The following PPP3R1 variants were observed in gnomAD, a reference collection of about 807,000 sequenced individuals.
PPP3R1 encodes calcineurin subunit B type 1.
Under a neutral mutation model 22.6 loss-of-function variants are expected in PPP3R1, and 5 were observed. That is an observed-to-expected ratio of 0.22 (90% CI 0.12 to 0.46). The LOEUF is 0.46. PPP3R1 is among the 20% of genes least tolerant of loss of function. The probability of loss-of-function intolerance (pLI) is 0.99; values close to 1 mark genes in which losing one functional copy is unlikely to be tolerated. For synonymous variants in PPP3R1, 56 were observed against 65.2 expected (o/e 0.86, Z 0.68); for missense variants, 61 against 203.2 (o/e 0.30, Z 4.25).
At chr2:68,211,124 C>T (rs904175032) in intron 2 of PPP3R1, among the ~76,000 whole-genome samples, 2 of 151,938 alleles carry the variant, frequency 1.3e-5, no homozygotes, top group African/African-American at 2.4e-5. Context: ...TACTCCATTG[C>T]GGCTGGGCGC....
chr2:68,227,535 A>T (rs1246872093), intron 1 of PPP3R1, among the ~76,000 whole-genome samples: 2 of 151,952 alleles, frequency 1.3e-5, no homozygotes, highest in Non-Finnish European at 2.9e-5. Context: ...ATAAAAACCA[A>T]TCATACCTAT....
chr2:68,246,129 C>T (rs530737585), intron 1 of PPP3R1, among the ~76,000 whole-genome samples: 100 of 132,106 alleles, frequency 7.6e-4, no homozygotes, highest in African/African-American at 2.7e-3. Flanking sequence ...AGCTGGAGTG[C>T]ACTGGTACAA....
At position 68,251,637 on chromosome 2, in the gene PPP3R1, G is replaced by A. The variant is rs148567210; in HGVS notation, c.3+488C>T. On this transcript the variant is annotated intron_variant, in intron 1 of 5. Transcript: ENST00000234310. The stretch of plus-strand genomic sequence containing the variant: ...AAACAGGCAGTGAGTGGAAGCAGCA[G>A]CAGCTCTGGAGAGTAAGTGGGTCTT... Among the ~76,000 whole-genome samples the A allele has an allele frequency of 9.1e-3, 1,206 of 132,848 alleles. 10 individuals are homozygous for A. Among genetic ancestry groups the A allele is most frequent in the African/African-American group, 0.032 (1,159 of 35,674 alleles). The allele number at this position is 132,848 out of a possible 152,430, so 87.2% of individuals were successfully genotyped here. A position where few individuals can be genotyped will look rare whatever the true frequency, so the allele number is the denominator to read the frequency against.
In PPP3R1 at chr2:68,189,725, C is replaced by T. The variant is rs138630822; in HGVS notation, c.44-1035G>A. On this transcript the variant is annotated intron_variant, in intron 2 of 5. Coordinates refer to ENST00000234310, the MANE Select transcript of PPP3R1 (RefSeq NM_000945.4). Reference sequence around the variant, plus strand: ...TTCTACTAAAAATACAAAAATAAGCCGGGCATGGTGGCACGCACCTCTAAT... The same window carrying T: ...TTCTACTAAAAATACAAAAATAAGCTGGGCATGGTGGCACGCACCTCTAAT... Among the ~76,000 whole-genome samples, 1,164 of 151,948 alleles carry T rather than the reference C, an allele frequency of 7.7e-3. 8 individuals carry two copies. Among genetic ancestry groups the T allele is most frequent in the African/African-American group, 0.027 (1,117 of 41,422 alleles).
chr2:68,231,488 T>A (rs1669897319), intron 1 of PPP3R1, among the ~76,000 whole-genome samples: 1 of 152,204 alleles, frequency 6.6e-6, no homozygotes, highest in Non-Finnish European at 1.5e-5. Context: ...TTGTTCTCGC[T>A]AGTAGTTTTG....
At chr2:68,235,322 A>G (rs1669998077) in intron 1 of PPP3R1, among the ~76,000 whole-genome samples, 1 of 152,264 alleles carries the variant, frequency 6.6e-6, no homozygotes, top group East Asian at 1.9e-4. Flanking sequence ...AATTTAGAGC[A>G]TATTTATTAC....
intron 3 of PPP3R1, among the ~76,000 whole-genome samples, chr2:68,187,836 T>C (rs1023296366): frequency 9.3e-5 from 14 of 150,466 alleles, no homozygotes; most frequent in African/African-American, 3.5e-4. Flanking sequence ...TATTGACAAA[T>C]CCCTTGTGAA....
intron 1 of PPP3R1, among the ~76,000 whole-genome samples, chr2:68,217,448 T>C (rs1280891910): frequency 1.4e-4 from 22 of 152,130 alleles, no homozygotes; most frequent in Admixed American, 1.4e-3. Context: ...CATTAGGGAC[T>C]GTCAATGTTC....
intron 3 of PPP3R1, among the ~76,000 whole-genome samples, chr2:68,188,219 A>G (rs979026299): frequency 1.3e-5 from 2 of 152,182 alleles, no homozygotes; most frequent in African/African-American, 4.8e-5. Flanking sequence ...TAATGTATAT[A>G]AGAATATACA....
chr2:68,232,257 GTGTGTGTGTATA>G (rs755877808), intron 1 of PPP3R1, among the ~76,000 whole-genome samples: 4,269 of 76,974 alleles, frequency 0.055, 122 homozygotes, highest in African/African-American at 0.14. Context: ...GTGTGTGTGT[GTGTGTGTGTATA>G]TATATATACA....
intron 2 of PPP3R1, among the ~76,000 whole-genome samples, chr2:68,210,767 TAC>T (rs1236464837): frequency 1.2e-4 from 18 of 152,176 alleles, no homozygotes; most frequent in African/African-American, 3.9e-4. Context: ...TCAAAAAACA[TAC>T]AGTTTGGCCA....
chr2:68,233,703 T>C (rs547201733), intron 1 of PPP3R1, among the ~76,000 whole-genome samples: 48 of 152,294 alleles, frequency 3.2e-4, no homozygotes, highest in Middle Eastern at 3.4e-3. Flanking sequence ...CTTCTAACCA[T>C]GGAATTTCTT....
intron 1 of PPP3R1, among the ~76,000 whole-genome samples, chr2:68,221,502 T>C (rs1669688918): frequency 6.6e-6 from 1 of 152,112 alleles, no homozygotes; most frequent in Non-Finnish European, 1.5e-5. Flanking sequence ...TGTAAATAAA[T>C]AAATAAACAA....
chr2:68,206,108 G>A (rs1211371991), intron 2 of PPP3R1, among the ~76,000 whole-genome samples: 3 of 152,090 alleles, frequency 2.0e-5, no homozygotes, highest in Non-Finnish European at 4.4e-5. Context: ...GTGAGCCACC[G>A]CGCCCGGCGG....
In PPP3R1 at chr2:68,179,433, A is replaced by T. The variant is rs978298874; in HGVS notation, c.*1530T>A. 1 of 152,540 alleles carries T rather than the reference A, an allele frequency of 6.6e-6. No individual in the cohort carries two copies. The allele number at this position is 152,540 out of a possible 1,614,324, so 9.4% of individuals were successfully genotyped here. The stretch of plus-strand genomic sequence containing the variant: ...CACCAAGCACCGGGATTTTTCTCTC[A>T]CAGACAGAGCCCATGATGTGCAGCA... On this transcript the variant is annotated 3_prime_UTR_variant, in exon 6 of 6. Transcript: ENST00000234310.
intron 2 of PPP3R1, among the ~76,000 whole-genome samples, chr2:68,209,293 A>G (rs1013325288): frequency 1.1e-4 from 14 of 125,280 alleles, no homozygotes; most frequent in Non-Finnish European, 2.2e-4. Flanking sequence ...CGGGAGGCGG[A>G]GCTTGCAGTG....
chr2:68,249,686 A>G (rs1670304067), intron 1 of PPP3R1, among the ~76,000 whole-genome samples: 1 of 152,058 alleles, frequency 6.6e-6, no homozygotes, highest in Non-Finnish European at 1.5e-5. Flanking sequence ...AACAATTTAA[A>G]ACTCAAATAA....
chr2:68,249,261 G>A (rs560450544), intron 1 of PPP3R1, among the ~76,000 whole-genome samples: 2 of 151,600 alleles, frequency 1.3e-5, no homozygotes, highest in African/African-American at 4.8e-5. Flanking sequence ...ATTTTCTCAG[G>A]ACAGATGTGA....
chr2:68,196,143 A>G lies in PPP3R1; in HGVS notation c.44-7453T>C, dbSNP rs548862380. On this transcript the variant is annotated intron_variant, in intron 2 of 5. Coordinates refer to ENST00000234310, the MANE Select transcript of PPP3R1 (RefSeq NM_000945.4). ...TTATCTATGGAAAAGCTTGTACTGA[A>G]TAACTCCTGTGAAGATCACAAAACA... Among the ~76,000 whole-genome samples, 8 of 152,340 alleles carry G rather than the reference A, an allele frequency of 5.3e-5. No individual in the cohort carries two copies. The South Asian group carries it at 1.4e-3, about 28-fold the overall frequency.
Sources: allele counts gnomAD v4.1 joint callset (sites outside exome capture counted in the v4.1 genomes callset), GRCh38; gene constraint gnomAD v4.1.1; transcripts MANE v1.5; gene names NCBI Gene and HGNC (gene_info 2026-07-23, HGNC 2026-07-21).